The following MAGI2 variants were observed in gnomAD, a reference collection of about 807,000 sequenced individuals.
MAGI2 encodes the protein membrane-associated guanylate kinase, WW and PDZ domain-containing protein 2.
Under a neutral mutation model 133.3 loss-of-function variants are expected in MAGI2, and 35 were observed. That is an observed-to-expected ratio of 0.26 (90% CI 0.20 to 0.35). MAGI2 has a LOEUF of 0.35. Ranked by LOEUF, MAGI2 falls within the 10% of genes least tolerant of loss-of-function variation. The probability of loss-of-function intolerance (pLI) is 1.00; values close to 1 mark genes in which losing one functional copy is unlikely to be tolerated. For synonymous variants in MAGI2, 729 were observed against 710.6 expected, an observed-to-expected ratio of 1.03 and a Z score of -0.41; for missense variants, 1,636 against 1,863.4, an observed-to-expected ratio of 0.88 and a Z score of 2.25.
intron 2 of MAGI2, among the ~76,000 whole-genome samples, chr7:78,865,831 A>G (rs915863786): frequency 2.6e-5 from 4 of 152,198 alleles, no homozygotes; most frequent in Admixed American, 2.0e-4. Flanking sequence ...TCCCTTAAAC[A>G]AAACTATTAT....
intron 2 of MAGI2, among the ~76,000 whole-genome samples, chr7:78,682,871 G>C (rs1815842525): frequency 6.6e-6 from 1 of 152,142 alleles, no homozygotes; most frequent in Admixed American, 6.6e-5. Context: ...AAACAAAAGG[G>C]AGACGATAAA....
At chr7:78,082,907 T>C (rs1309598387) in intron 20 of MAGI2, among the ~76,000 whole-genome samples, 3 of 152,200 alleles carry the variant, frequency 2.0e-5, no homozygotes, top group Non-Finnish European at 4.4e-5. Flanking sequence ...CATTCCAATA[T>C]CAGTATTCTG....
intron 2 of MAGI2, among the ~76,000 whole-genome samples, chr7:78,709,699 TTA>T (rs993281278): frequency 6.6e-6 from 1 of 152,184 alleles, no homozygotes; most frequent in African/African-American, 2.4e-5. Context: ...CCGGCAGAAT[TTA>T]TATGTGTTTG....
chr7:78,682,374 G>A (rs1308160960), intron 2 of MAGI2, among the ~76,000 whole-genome samples: 1 of 151,696 alleles, frequency 6.6e-6, no homozygotes, highest in African/African-American at 2.4e-5. Context: ...CACTCCCCTT[G>A]CCCCCCACCC....
intron 9 of MAGI2, among the ~76,000 whole-genome samples, chr7:78,325,179 C>A (rs769983280): frequency 5.9e-5 from 9 of 152,062 alleles, no homozygotes; most frequent in Non-Finnish European, 1.3e-4. Context: ...ACTTATTATC[C>A]CACTGTACCC....
intron 1 of MAGI2, among the ~76,000 whole-genome samples, chr7:79,109,710 A>G (rs181304510): frequency 6.6e-6 from 1 of 152,334 alleles, no homozygotes; most frequent in East Asian, 1.9e-4. Context: ...AGAGATTTGC[A>G]TAATTAAGAA....
In MAGI2 at chr7:79,068,339, G is replaced by C. The variant is rs144381695; in HGVS notation, c.302-61133C>G. On this transcript the variant is annotated intron_variant, in intron 1 of 21. Coordinates refer to ENST00000354212, the MANE Select transcript of MAGI2 (RefSeq NM_012301.4). ...CTTCCTGGTTTAGACTTGGGAGGCT[G>C]TATGTGTCCAGGAATTTATCCATTT... 6.9e-3 allele frequency among the ~76,000 whole-genome samples: 1,047 copies of C among 152,252 alleles called. 9 individuals carry two copies. Among genetic ancestry groups the C allele is most frequent in the Non-Finnish European group, 9.3e-3 (633 of 68,012 alleles).
intron 2 of MAGI2, among the ~76,000 whole-genome samples, chr7:78,988,392 C>A (rs1005018188): frequency 6.6e-6 from 1 of 151,988 alleles, no homozygotes. Flanking sequence ...TTCAGGTGAG[C>A]TAAATTTTCA....
chr7:78,760,355 T>TTC (rs1308454575), intron 2 of MAGI2, among the ~76,000 whole-genome samples: 5 of 138,112 alleles, frequency 3.6e-5, no homozygotes, highest in Non-Finnish European at 3.1e-5. Context: ...TGGACTTTAA[T>TTC]TCTCTCTTTT....
chr7:78,655,124 C>T (rs573888027), intron 2 of MAGI2, among the ~76,000 whole-genome samples: 26 of 151,380 alleles, frequency 1.7e-4, no homozygotes, highest in African/African-American at 6.3e-4. Context: ...TCTGTGCCCA[C>T]AAAAATTAAA....
Position 78,088,421 on chromosome 7 carries a change from A to G in MAGI2, c.3568-9336T>C, listed in dbSNP as rs568419482. Among the ~76,000 whole-genome samples the G allele has an allele frequency of 2.6e-5, 4 of 152,214 alleles. No homozygotes were observed. In the South Asian group the frequency reaches 8.3e-4, roughly 31 times the overall value. On this transcript the variant is annotated intron_variant, in intron 20 of 21. Transcript: ENST00000354212. ...ACCTGACAAGTTAACAGCATGAATG[A>G]GCATGAAAAGGTACACCAAGATGGG...
chr7:78,599,458 G>T (rs532860315), intron 3 of MAGI2, among the ~76,000 whole-genome samples: 1 of 152,204 alleles, frequency 6.6e-6, no homozygotes, highest in South Asian at 2.1e-4. Flanking sequence ...TTCAGTCTCT[G>T]TGAGAAATAC....
At chr7:78,960,862 C>T (rs375077298) in intron 2 of MAGI2, among the ~76,000 whole-genome samples, 15 of 152,118 alleles carry the variant, frequency 9.9e-5, no homozygotes, top group African/African-American at 3.6e-4. Context: ...CTCATTAGCC[C>T]ATATTTTAAA....
chr7:79,011,864 A>C (rs774605388), intron 1 of MAGI2, among the ~76,000 whole-genome samples: 1 of 146,116 alleles, frequency 6.8e-6, no homozygotes, highest in Non-Finnish European at 1.5e-5. Context: ...TTTTGGTAGA[A>C]GATCCTTCCT....
intron 2 of MAGI2, among the ~76,000 whole-genome samples, chr7:78,776,513 T>C (rs915614138): frequency 6.6e-6 from 1 of 152,262 alleles, no homozygotes; most frequent in Non-Finnish European, 1.5e-5. Context: ...TAATTATTCA[T>C]TTTTCTTAAA....
intron 2 of MAGI2, among the ~76,000 whole-genome samples, chr7:78,761,421 A>G: frequency 6.6e-6 from 1 of 152,124 alleles, no homozygotes; most frequent in East Asian, 1.9e-4. Context: ...AACATCAATG[A>G]AGAATTGAAC....
intron 3 of MAGI2, among the ~76,000 whole-genome samples, chr7:78,552,927 C>CG (rs553593623): frequency 4.2e-5 from 6 of 143,002 alleles, no homozygotes; most frequent in African/African-American, 1.8e-4. Context: ...GAACAAATTG[C>CG]CCCCCCAAGG....
intron 3 of MAGI2, among the ~76,000 whole-genome samples, chr7:78,613,583 A>G (rs528421211): frequency 2.0e-5 from 3 of 152,344 alleles, no homozygotes; most frequent in South Asian, 2.1e-4. Flanking sequence ...CAGAAAGCAA[A>G]TAATGTCAAT....
intron 9 of MAGI2, among the ~76,000 whole-genome samples, chr7:78,332,976 C>G (rs1052659303): frequency 1.2e-4 from 19 of 152,218 alleles, no homozygotes; most frequent in African/African-American, 4.3e-4. Context: ...TTAGAGAGAC[C>G]AAAATGTTTT....
Sources: allele counts gnomAD v4.1 joint callset (sites outside exome capture counted in the v4.1 genomes callset), GRCh38; gene constraint gnomAD v4.1.1; transcripts MANE v1.5; gene names NCBI Gene and HGNC (gene_info 2026-07-23, HGNC 2026-07-21).